PPP1R3F: variants seen among roughly 807,000 people sequenced by gnomAD.
The protein encoded by PPP1R3F is protein phosphatase 1 regulatory subunit 3F.
Under a neutral mutation model 24.2 loss-of-function variants are expected in PPP1R3F, and 29 were observed. That is an observed-to-expected ratio of 1.20 (90% confidence interval 0.89 to 1.63). The LOEUF (loss-of-function observed/expected upper bound fraction) is 1.63, where lower values mean the gene tolerates loss of function less well. Among genes scored for constraint, PPP1R3F ranks in the 40% most tolerant of loss-of-function variants. PPP1R3F has a pLI of 0.00. For synonymous variants in PPP1R3F, 363 were observed against 340.1 expected (o/e 1.07, Z -0.74); for missense variants, 823 against 729.3 (o/e 1.13, Z -1.48).
intron 3 of PPP1R3F, among the ~76,000 whole-genome samples, chrX:49,297,640 C>T (rs5906768): frequency 0.016 from 1,739 of 111,204 alleles, 21 homozygotes; most frequent in Admixed American, 0.058. Context: ...TGAGCCAACG[C>T]GCCTGACCAA....
chrX:49,271,443 A>G (rs2066179736), intron 1 of PPP1R3F, among the ~76,000 whole-genome samples: 2 of 112,753 alleles, frequency 1.8e-5, no homozygotes, highest in South Asian at 7.2e-4. Context: ...AGGGTGTTCT[A>G]GGTAGAGGAA....
rs1557121719 is a variant in PPP1R3F, at chrX:49,286,836, C to G, written c.2146C>G (p.Leu716Val). ...CAGTCCCTTGGGGGCCGAAGTCTGT[C>G]TCTCTAGTGTAGCCAGGCCTCATGT... ...LLSPLGAEVC[L>V]SSVARPHVSS... is the part of the protein sequence containing the mutation. Residue 716 changes from leucine (L) to valine (V), a missense_variant, in exon 4 of 4, where the codon CTC becomes GTC. Physicochemically the swap from Leu to Val is conservative, Grantham distance 32. Coordinates refer to ENST00000055335, the MANE Select transcript of PPP1R3F (RefSeq NM_033215.5). 1.7e-6 allele frequency: 2 copies of G among 1,199,237 alleles called. No homozygotes were observed. Among genetic ancestry groups the G allele is most frequent in the Non-Finnish European group, 1.1e-6 (1 of 888,410 alleles).
intron 3 of PPP1R3F, among the ~76,000 whole-genome samples, chrX:49,294,267 ATT>A (rs1170868838): frequency 1.0e-5 from 1 of 98,348 alleles, no homozygotes. Flanking sequence ...CCATCACTAC[ATT>A]TTTTTTTTTT....
At chrX:49,296,343 TC>T (rs2066322704) in intron 3 of PPP1R3F, among the ~76,000 whole-genome samples, 1 of 112,181 alleles carries the variant, frequency 8.9e-6, no homozygotes, top group South Asian at 3.7e-4. Context: ...AGTTTGTATT[TC>T]TGTGGGATCA....
chrX:49,270,572 G>A lies in PPP1R3F; in HGVS notation c.703G>A (p.Asp235Asn), dbSNP rs782658054. 6.7e-6 allele frequency: 8 copies of A among 1,201,040 alleles called. No homozygotes were observed. Among genetic ancestry groups the A allele is most frequent in the South Asian group, 5.3e-5 (3 of 56,388 alleles). The change falls in exon 1 of 4, where the codon GAC (aspartate) becomes AAC (asparagine). Residue 235 changes from aspartate to asparagine, a missense_variant. Coordinates refer to ENST00000055335, the MANE Select transcript of PPP1R3F (RefSeq NM_033215.5). Reference sequence around the variant, plus strand: ...CGGCCAGGCATCCGCCTCCTCGCCCGACGACGGCGGCCGCACCGACCGCTT... The same window carrying A: ...CGGCCAGGCATCCGCCTCCTCGCCCAACGACGGCGGCCGCACCGACCGCTT... ...GPGQASASSPDDGGRTDRFAF... is the reference protein window; with the variant it reads ...GPGQASASSPNDGGRTDRFAF...
Position 49,282,023 on chromosome X carries a change from C to G in PPP1R3F, c.1103C>G (p.Ala368Gly). 2.5e-6 allele frequency: 3 copies of G among 1,209,795 alleles called. No individual in the cohort carries two copies. The highest frequency in any genetic ancestry group is 3.4e-6 in the Non-Finnish European group (3 of 893,768). ...CAGGAGTCAGTGGGTCCACTGGTAGCCCCCACCCCTCTCCGTCCATGGCCC... is the reference window on the plus strand; with the variant it reads ...CAGGAGTCAGTGGGTCCACTGGTAGGCCCCACCCCTCTCCGTCCATGGCCC... ...DVQESVGPLV[A>G]PTPLRPWPQM... Residue 368 changes from alanine to glycine, a missense_variant, in exon 3 of 4, where the codon GCC (alanine) becomes GGC (glycine). Physicochemically the swap from Ala to Gly is moderately conservative, Grantham distance 60. Transcript: ENST00000055335.
intron 3 of PPP1R3F, among the ~76,000 whole-genome samples, chrX:49,284,206 A>C (rs1343383851): frequency 9.0e-6 from 1 of 111,180 alleles, no homozygotes; most frequent in Non-Finnish European, 1.9e-5. Flanking sequence ...GAGATGGGCT[A>C]CTCTGTCCTT....
chrX:49,270,662 T>C lies in PPP1R3F; in HGVS notation c.793T>C (p.Tyr265His). 1 of 1,209,631 alleles carries C rather than the reference T, an allele frequency of 8.3e-7. No homozygotes were observed. Among genetic ancestry groups the C allele is most frequent in the Non-Finnish European group, 1.1e-6 (1 of 894,814 alleles). Reference protein sequence around the residue: ...DGARLDFVVRYETPEGTFWAN... With the variant: ...DGARLDFVVRHETPEGTFWAN... Reference sequence around the variant, plus strand: ...GGCGCGCCTCGACTTCGTGGTGCGCTATGAGACCCCTGAGGGCACTTTCTG... The same window carrying C: ...GGCGCGCCTCGACTTCGTGGTGCGCCATGAGACCCCTGAGGGCACTTTCTG... Residue 265 changes from tyrosine to histidine, a missense_variant, in exon 1 of 4, where the codon TAT (tyrosine) becomes CAT (histidine). Tyr to His is a moderately conservative substitution (Grantham distance 83). Coordinates refer to ENST00000055335, the MANE Select transcript of PPP1R3F (RefSeq NM_033215.5).
intron 1 of PPP1R3F, among the ~76,000 whole-genome samples, chrX:49,280,549 C>CTTTTTTTTTTTTTTTTTTT (rs782591947): frequency 3.8e-5 from 3 of 79,631 alleles, no homozygotes; most frequent in Admixed American, 1.5e-4. Flanking sequence ...GCGTCTGGCC[C>CTTTTTTTTTTTTTTTTTTT]TTTTTTTTTT....
chrX:49,279,467 TGA>T (rs781838705), intron 1 of PPP1R3F, among the ~76,000 whole-genome samples: 4 of 111,921 alleles, frequency 3.6e-5, no homozygotes, highest in Non-Finnish European at 7.5e-5. Context: ...GTGGATCACC[TGA>T]GGTCAGGAGT....
chrX:49,286,752 A>G lies in PPP1R3F; in HGVS notation c.2062A>G (p.Ile688Val). Residue 688 changes from isoleucine to valine, a missense_variant, in exon 4 of 4, where the codon ATA becomes GTA. Transcript: ENST00000055335. ...TSEWAGSLDP[I>V]SGKEPASPVL... ...TGAGTGGGCAGGCAGCTTGGATCCC[A>G]TATCTGGCAAGGAGCCAGCCTCTCC... The G allele has an allele frequency of 1.7e-6, 2 of 1,203,655 alleles. No individual in the cohort carries two copies. The highest frequency in any genetic ancestry group is 2.3e-4 in the Middle Eastern group (1 of 4,328).
intron 1 of PPP1R3F, among the ~76,000 whole-genome samples, chrX:49,279,957 C>G (rs2066237489): frequency 8.9e-6 from 1 of 112,315 alleles, no homozygotes. Flanking sequence ...GAGCAAGACC[C>G]ATAAATATCT....
chrX:49,287,177 C>G lies in PPP1R3F; in HGVS notation c.*87C>G. On this transcript the variant is annotated 3_prime_UTR_variant, in exon 4 of 4. Transcript: ENST00000055335. The stretch of plus-strand genomic sequence containing the variant: ...CCTGGGTCCTTTGCTTCTGAGAATG[C>G]TCAACTGAAAGAGAGGCCTTCTCAT... 2.0e-6 allele frequency: 2 copies of G among 980,307 alleles called. No homozygotes were observed. The highest frequency in any genetic ancestry group is 2.8e-6 in the Non-Finnish European group (2 of 717,938). 80.8% of individuals were successfully genotyped at this position (980,307 alleles called of 1,213,427 possible). A position where few individuals can be genotyped will look rare whatever the true frequency, so the allele number is the denominator to read the frequency against.
chrX:49,290,347 T>C (rs782128741), downstream of PPP1R3F, among the ~76,000 whole-genome samples: 1 of 110,121 alleles, frequency 9.1e-6, no homozygotes, highest in East Asian at 2.9e-4. Flanking sequence ...AGCCATAGAG[T>C]GGGGCCTCTT....
At position 49,286,958 on chromosome X, in the gene PPP1R3F, T is replaced by G; in HGVS notation, c.2268T>G (p.Pro756=). The change falls in exon 4 of 4, where the codon CCT becomes CCG. Residue 756 remains proline (P), a synonymous_variant. Coordinates refer to ENST00000055335, the MANE Select transcript of PPP1R3F (RefSeq NM_033215.5). ...AVPAECVCAL[P]PQLRGPLTQT... is the part of the protein sequence containing the mutation. ...CTGCAGAATGTGTGTGTGCACTGCC[T>G]CCTCAGCTCCGGGGGCCCTTGACCC... is the stretch of plus-strand genomic sequence containing the variant. The G allele has an allele frequency of 1.7e-6, 2 of 1,210,509 alleles. No homozygotes were observed. Among genetic ancestry groups the G allele is most frequent in the Non-Finnish European group, 2.2e-6 (2 of 894,853 alleles).
At chrX:49,288,490 A>G (rs976131695), downstream of PPP1R3F, among the ~76,000 whole-genome samples, 6 of 112,536 alleles carry the variant, frequency 5.3e-5, no homozygotes, top group Non-Finnish European at 1.1e-4. Context: ...CTGTGTGTAG[A>G]TCATGACACA....
intron 3 of PPP1R3F, among the ~76,000 whole-genome samples, chrX:49,282,599 G>A (rs1246130245): frequency 9.2e-6 from 1 of 108,318 alleles, no homozygotes; most frequent in African/African-American, 3.4e-5. Context: ...AGTGAGCCAC[G>A]TGGATAACTA....
At chrX:49,280,599 G>C (rs1215806119) in intron 1 of PPP1R3F, among the ~76,000 whole-genome samples, 2 of 98,452 alleles carry the variant, frequency 2.0e-5, no homozygotes, top group Non-Finnish European at 4.1e-5. Flanking sequence ...AGGCTGGAGT[G>C]CAATGGCGCG....
chrX:49,287,060 G>T lies in PPP1R3F; in HGVS notation c.2370G>T (p.Ala790=), dbSNP rs891927349. ...LNSGVSLLVL[A]LCLSLAWFS ...GCGGTGTGTCCCTCCTGGTGCTTGC[G>T]CTGTGCCTCTCTCTGGCTTGGTTCT... Residue 790 remains alanine (A), a synonymous_variant, in exon 4 of 4, where the codon GCG becomes GCT. Coordinates refer to ENST00000055335, the MANE Select transcript of PPP1R3F (RefSeq NM_033215.5). The T allele has an allele frequency of 8.3e-7, 1 of 1,211,181 alleles. No individual in the cohort carries two copies.
Sources: gnomAD v4.1 joint callset for allele counts (sites outside exome capture counted in the v4.1 genomes callset) on GRCh38, gnomAD v4.1.1 for gene constraint, MANE v1.5 for transcripts, NCBI Gene and HGNC (gene_info 2026-07-23, HGNC 2026-07-21) for gene names.